The following CHD2 variants were observed in gnomAD, a reference collection of about 807,000 sequenced individuals.
CHD2 encodes chromodomain helicase DNA binding protein 2.
CHD2 carries 28 observed loss-of-function variants against 243.9 expected under a neutral mutation model. The observed-to-expected ratio is 0.11, with a 90% CI of 0.09 to 0.16. CHD2 has a LOEUF of 0.16. Ranked by LOEUF, CHD2 falls within the 10% of genes least tolerant of loss-of-function variation. The pLI is 1.00. For missense variants in CHD2, 1,386 were observed against 2,209.8 expected, an observed-to-expected ratio of 0.63 and a Z score of 7.47; for synonymous variants, 775 against 779.0, an observed-to-expected ratio of 0.99 and a Z score of 0.09.
intron 4 of CHD2, among the ~76,000 whole-genome samples, chr15:92,927,689 A>G (rs150438902): frequency 6.6e-6 from 1 of 152,328 alleles, no homozygotes; most frequent in East Asian, 1.9e-4. Flanking sequence ...TAAATGGGTA[A>G]CTTGTTTGGT....
intron 2 of CHD2, among the ~76,000 whole-genome samples, chr15:92,908,003 A>ATTTTTTTTTTTTTTTTTTTTT (rs71877681): frequency 1.9e-5 from 2 of 107,642 alleles, no homozygotes; most frequent in African/African-American, 3.6e-5. Context: ...CTCTCTTAGA[A>ATTTTTTTTTTTTTTTTTTTTT]TTTTTTTTTT....
chr15:93,005,817 T>C lies in CHD2; in HGVS notation c.4413+1066T>C, dbSNP rs542987614. Among the ~76,000 whole-genome samples the C allele has an allele frequency of 8.3e-4, 126 of 152,312 alleles. 5 individuals carry two copies. The South Asian group carries it at 0.025, about 31-fold the overall frequency. On this transcript the variant is annotated intron_variant, in intron 34 of 38. Coordinates refer to ENST00000394196, the MANE Select transcript of CHD2 (RefSeq NM_001271.4). ...GAGTAAATTGAATAAATGAATAAACTAATTACATAGCCAGCTAACCAATCT... is the reference window on the plus strand; with the variant it reads ...GAGTAAATTGAATAAATGAATAAACCAATTACATAGCCAGCTAACCAATCT...
rs2141736959 is a variant in CHD2, at chr15:92,920,757, T to C, written c.63-3564T>C. 1.3e-5 allele frequency among the ~76,000 whole-genome samples: 2 copies of C among 152,356 alleles called. 1 individual carries two copies. Among genetic ancestry groups the C allele is most frequent in the South Asian group, 4.1e-4 (2 of 4,834 alleles). ...TTTTGTCTGGAGTTAAACATTATAG[T>C]AGTTGAAAAACTAAATACGTTATTT... On this transcript the variant is annotated intron_variant, in intron 2 of 38. Coordinates refer to ENST00000394196, the MANE Select transcript of CHD2 (RefSeq NM_001271.4).
Position 92,984,629 on chromosome 15 carries a change from T to C in CHD2, c.3237+129T>C, listed in dbSNP as rs189738121. The C allele has an allele frequency of 3.3e-4, 254 of 759,866 alleles. 1 individual carries two copies. The East Asian group carries it at 7.7e-3, about 23-fold the overall frequency. The allele number at this position is 759,866 out of a possible 1,614,324, so 47.1% of individuals were successfully genotyped here. ...GAGGCTTCAGGAGCAGAGTTGATAC[T>C]GTAGGAAACTTAACAAAGGAAAGTG... On this transcript the variant is annotated intron_variant, in intron 25 of 38. Transcript: ENST00000394196.
Position 92,900,363 on chromosome 15 carries a change from G to C in CHD2, c.-533G>C. The C allele has an allele frequency of 2.6e-6, 1 of 389,682 alleles. No homozygotes were observed. Among genetic ancestry groups the C allele is most frequent in the East Asian group, 3.6e-5 (1 of 27,524 alleles). The allele number at this position is 389,682 out of a possible 1,614,324, so 24.1% of individuals were successfully genotyped here. A position where few individuals can be genotyped will look rare whatever the true frequency, so the allele number is the denominator to read the frequency against. ...GGCTCTAGATGGCGGCTGTGCCTTAGAGAGAGCGCGCTCTGCTCCCTGCCT... is the reference window on the plus strand; with the variant it reads ...GGCTCTAGATGGCGGCTGTGCCTTACAGAGAGCGCGCTCTGCTCCCTGCCT... On this transcript the variant is annotated 5_prime_UTR_variant, in exon 1 of 39. An upstream open reading frame in the 5' UTR loses its in-frame stop. Coordinates refer to ENST00000394196, the MANE Select transcript of CHD2 (RefSeq NM_001271.4).
intron 16 of CHD2, among the ~76,000 whole-genome samples, chr15:92,963,986 T>A (rs1278719151): frequency 6.6e-6 from 1 of 152,242 alleles, no homozygotes; most frequent in African/African-American, 2.4e-5. Flanking sequence ...AAGTGGATGG[T>A]AGGGATTTTG....
intron 2 of CHD2, chr15:92,902,459 A>C (rs913284994): frequency 3.8e-5 from 12 of 315,084 alleles, no homozygotes; most frequent in African/African-American, 1.9e-4. Flanking sequence ...TCTAATTTTT[A>C]TAAATAATAC....
In CHD2 at chr15:92,968,372, T is replaced by A. The variant is rs190692654; in HGVS notation, c.2189+859T>A. Among the ~76,000 whole-genome samples, 798 of 152,258 alleles carry A rather than the reference T, an allele frequency of 5.2e-3. 9 individuals carry two copies. The highest frequency in any genetic ancestry group is 0.018 in the African/African-American group (750 of 41,546). Reference sequence around the variant, plus strand: ...CTCCATCTCTATAAAAATAAAAAAATTTTTAAAAACCACTTTTCCTCTGAA... The same window carrying A: ...CTCCATCTCTATAAAAATAAAAAAAATTTTAAAAACCACTTTTCCTCTGAA... On this transcript the variant is annotated intron_variant, in intron 17 of 38. Transcript: ENST00000394196.
chr15:92,947,988 G>T (rs1363201992), intron 12 of CHD2, among the ~76,000 whole-genome samples: 1 of 152,218 alleles, frequency 6.6e-6, no homozygotes. Flanking sequence ...GTAAATTCAC[G>T]CTATGGACAC....
intron 32 of CHD2, among the ~76,000 whole-genome samples, chr15:93,001,044 T>C (rs2054248981): frequency 6.6e-6 from 1 of 152,154 alleles, no homozygotes; most frequent in African/African-American, 2.4e-5. Context: ...CATTTTTGTA[T>C]TGTAAGTAGA....
intron 13 of CHD2, among the ~76,000 whole-genome samples, chr15:92,951,256 C>G (rs368631078): frequency 6.6e-6 from 1 of 152,084 alleles, no homozygotes; most frequent in Non-Finnish European, 1.5e-5. Context: ...CTGCAACCTC[C>G]GATTCCCAGG....
intron 2 of CHD2, among the ~76,000 whole-genome samples, chr15:92,903,224 A>G (rs2052555125): frequency 6.6e-6 from 1 of 152,236 alleles, no homozygotes; most frequent in Non-Finnish European, 1.5e-5. Flanking sequence ...TTAATGTGGT[A>G]GATTAATATT....
intron 33 of CHD2, chr15:93,004,364 C>T (rs2054294333): frequency 6.1e-6 from 2 of 329,140 alleles, no homozygotes; most frequent in Non-Finnish European, 5.6e-6. Flanking sequence ...GAGTAAGAAG[C>T]CCAAAAATAG....
intron 8 of CHD2, among the ~76,000 whole-genome samples, chr15:92,942,186 T>G (rs1241588252): frequency 6.6e-6 from 1 of 152,204 alleles, no homozygotes; most frequent in African/African-American, 2.4e-5. Flanking sequence ...TATAAAGCAG[T>G]GATATAGCAG....
chr15:92,991,768 A>G, intron 27 of CHD2: 1 of 359,064 alleles, frequency 2.8e-6, no homozygotes, highest in Non-Finnish European at 5.0e-6. Flanking sequence ...AAGCAAGTAT[A>G]TTCAAAACCA....
chr15:92,998,310 G>C lies in CHD2; in HGVS notation c.3886-189G>C. On this transcript the variant is annotated intron_variant, in intron 30 of 38. Coordinates refer to ENST00000394196, the MANE Select transcript of CHD2 (RefSeq NM_001271.4). This position sits in a 1 kb window ranked among gnomAD's most constrained non-coding sequence, Gnocchi z 5.1. ...ATTTCTCCATCCCATTTTGTAAAAT[G>C]AGAACGGCTCGTGAGGGATTTTCAG... is the stretch of plus-strand genomic sequence containing the variant. 7.5e-7 allele frequency: 1 copy of C among 1,329,076 alleles called. No individual in the cohort carries two copies. The highest frequency in any genetic ancestry group is 9.8e-7 in the Non-Finnish European group (1 of 1,019,996). 82.3% of individuals were successfully genotyped at this position (1,329,076 alleles called of 1,614,324 possible).
At chr15:93,002,571 TTGAA>T (rs1316063056) in intron 33 of CHD2, among the ~76,000 whole-genome samples, 1 of 152,200 alleles carries the variant, frequency 6.6e-6, no homozygotes, top group African/African-American at 2.4e-5. Flanking sequence ...GGGGAAATGT[TTGAA>T]TGAGATAGGA....
At chr15:92,941,998 G>A (rs780005949) in intron 8 of CHD2, 43 bp downstream of exon 8, 8 of 1,574,014 alleles carry the variant, frequency 5.1e-6, no homozygotes, top group Non-Finnish European at 6.1e-6. Context: ...TGTATGCTTA[G>A]TAAGACTTAG....
chr15:92,961,317 G>T (rs980472644), intron 16 of CHD2, among the ~76,000 whole-genome samples: 1 of 152,040 alleles, frequency 6.6e-6, no homozygotes. Flanking sequence ...TTGTTAATTT[G>T]TGTCTTTCTA....
Sources: allele counts gnomAD v4.1 joint callset (sites outside exome capture counted in the v4.1 genomes callset), GRCh38; gene constraint gnomAD v4.1.1; non-coding constraint Gnocchi (gnomAD v3.1); transcripts MANE v1.5; gene names NCBI Gene and HGNC (gene_info 2026-07-23, HGNC 2026-07-21).